The following TBCK variants were observed in gnomAD, a reference collection of about 807,000 sequenced individuals.
The protein encoded by TBCK is TBC1 domain containing kinase.
TBCK carries 99 observed loss-of-function variants against 113.4 expected under a neutral mutation model. That is an observed-to-expected ratio of 0.87 (90% CI 0.74 to 1.03). The LOEUF is 1.03. Among genes scored for constraint, TBCK ranks in the 50% least tolerant of loss-of-function variants. TBCK has a pLI of 0.00. For missense variants in TBCK, 1,045 were observed against 1,061.3 expected (o/e 0.98, Z 0.21); for synonymous variants, 369 against 370.8 (o/e 1.00, Z 0.05).
intron 20 of TBCK, among the ~76,000 whole-genome samples, chr4:106,210,537 T>C (rs1318106389): frequency 3.3e-5 from 5 of 152,150 alleles, no homozygotes; most frequent in Admixed American, 6.5e-5. Flanking sequence ...AATGTCTAAA[T>C]AAAATGAGCA....
intron 22 of TBCK, among the ~76,000 whole-genome samples, chr4:106,176,749 A>C (rs1579134310): frequency 6.6e-6 from 1 of 151,770 alleles, no homozygotes; most frequent in African/African-American, 2.4e-5. Context: ...TTTTTGAGGA[A>C]CCTCCATACT....
In TBCK at chr4:106,138,783, G is replaced by A. The variant is rs545603423; in HGVS notation, c.2236-22405C>T. On this transcript the variant is annotated intron_variant, in intron 23 of 25. Transcript: ENST00000394708. The stretch of plus-strand genomic sequence containing the variant: ...ACACTCAGGTGAACAATATGAAAAA[G>A]TTAATGAGAGCAGCCCTACTTAGCT... 2.1e-5 allele frequency among the ~76,000 whole-genome samples: 3 copies of A among 141,146 alleles called. 1 individual carries two copies. The South Asian group carries it at 7.3e-4, about 34-fold the overall frequency. 92.6% of individuals were successfully genotyped at this position (141,146 alleles called of 152,430 possible).
intron 11 of TBCK, 104 bp downstream of exon 11, chr4:106,244,522 C>A: frequency 9.6e-7 from 1 of 1,038,786 alleles, no homozygotes; most frequent in Non-Finnish European, 1.2e-6. Context: ...TTAAAAACAA[C>A]CAATTTAAAA....
In TBCK at chr4:106,044,067, G is replaced by C. The variant is rs11941861; in HGVS notation, c.*2503C>G. 6.6e-6 allele frequency: 1 copy of C among 152,040 alleles called. No individual in the cohort carries two copies. Among genetic ancestry groups the C allele is most frequent in the Non-Finnish European group, 1.5e-5 (1 of 68,022 alleles). The allele number at this position is 152,040 out of a possible 1,614,324, so 9.4% of individuals were successfully genotyped here. A position where few individuals can be genotyped will look rare whatever the true frequency, so the allele number is the denominator to read the frequency against. On this transcript the variant is annotated 3_prime_UTR_variant, in exon 26 of 26. Coordinates refer to ENST00000394708, the MANE Select transcript of TBCK (RefSeq NM_001163435.3). ...TTCTTGGAATAAGCCTAAATGTGTC[G>C]TTTTAAGAAAGATCAAATGCAAAAT...
At chr4:106,280,559 C>T (rs1764484963) in intron 3 of TBCK, among the ~76,000 whole-genome samples, 1 of 152,006 alleles carries the variant, frequency 6.6e-6, no homozygotes, top group Admixed American at 6.6e-5. Context: ...AGTTTCATAG[C>T]TTGAGGTCAG....
At chr4:106,272,429 T>A (rs955881867) in intron 3 of TBCK, among the ~76,000 whole-genome samples, 1 of 151,876 alleles carries the variant, frequency 6.6e-6, no homozygotes, top group African/African-American at 2.4e-5. Context: ...TGATGACAAT[T>A]TTTTTTTCAA....
intron 25 of TBCK, among the ~76,000 whole-genome samples, chr4:106,077,466 G>C (rs2149487014): frequency 6.6e-6 from 1 of 152,276 alleles, no homozygotes; most frequent in East Asian, 1.9e-4. Context: ...GTAAAGGAAT[G>C]GAGAAAGATT....
At chr4:106,150,587 C>A (rs950956897) in intron 23 of TBCK, among the ~76,000 whole-genome samples, 1 of 151,978 alleles carries the variant, frequency 6.6e-6, no homozygotes, top group Non-Finnish European at 1.5e-5. Flanking sequence ...CTGGAATGAA[C>A]TTTCTGTTAA....
chr4:106,222,484 C>T (rs895670034), intron 19 of TBCK, among the ~76,000 whole-genome samples: 3 of 151,978 alleles, frequency 2.0e-5, no homozygotes, highest in African/African-American at 4.8e-5. Flanking sequence ...TTTTCCCTTC[C>T]GAAAAGTTTT....
At chr4:106,086,845 C>T (rs1273002744) in intron 25 of TBCK, among the ~76,000 whole-genome samples, 1 of 152,148 alleles carries the variant, frequency 6.6e-6, no homozygotes, top group Non-Finnish European at 1.5e-5. Context: ...ATGATTATGT[C>T]AACAGATGCA....
intron 5 of TBCK, among the ~76,000 whole-genome samples, chr4:106,256,332 C>T (rs1203730858): frequency 6.6e-6 from 1 of 152,282 alleles, no homozygotes; most frequent in East Asian, 1.9e-4. Flanking sequence ...CGCCTGCCCG[C>T]CAGCACTGAG....
chr4:106,196,724 A>T (rs1754283757), intron 20 of TBCK, among the ~76,000 whole-genome samples: 1 of 152,170 alleles, frequency 6.6e-6, no homozygotes. Flanking sequence ...GAAAACAATA[A>T]AACATAAATT....
chr4:106,239,012 C>T (rs1347990250), intron 12 of TBCK, among the ~76,000 whole-genome samples: 1 of 152,060 alleles, frequency 6.6e-6, no homozygotes, highest in Non-Finnish European at 1.5e-5. Context: ...GAAAAATACC[C>T]TTGACTTCCT....
chr4:106,295,102 T>C lies in TBCK; in HGVS notation c.258A>G (p.Lys86=). 6.2e-7 allele frequency: 1 copy of C among 1,612,874 alleles called. No individual in the cohort carries two copies. The highest frequency in any genetic ancestry group is 8.5e-7 in the Non-Finnish European group (1 of 1,179,242). Residue 86 remains lysine, a synonymous_variant, in exon 3 of 26, where the codon AAA becomes AAG. Coordinates refer to ENST00000394708, the MANE Select transcript of TBCK (RefSeq NM_001163435.3). ...RSLEDLLRER[K]PVSCSTVLCI... is the part of the protein sequence containing the mutation. The stretch of plus-strand genomic sequence containing the variant: ...CTGATACTATACAGTACCTCACAGG[T>C]TTCCTTTCTCGAAGCAAGTCTTCCA...
rs1196318168 is a variant in TBCK, at chr4:106,041,720, G to A, written c.*4850C>T. 4 of 152,090 alleles carry A rather than the reference G, an allele frequency of 2.6e-5. No homozygotes were observed. In the East Asian group the frequency reaches 7.7e-4, roughly 29 times the overall value. The allele number at this position is 152,090 out of a possible 1,614,324, so 9.4% of individuals were successfully genotyped here. On this transcript the variant is annotated 3_prime_UTR_variant, in exon 26 of 26. Transcript: ENST00000394708. ...GAAAGGAATGAGAAAGGATATTAAA[G>A]AATAACAACTTAAAAGGAGACATTA...
At chr4:106,196,999 T>A (rs1300261796) in intron 20 of TBCK, among the ~76,000 whole-genome samples, 1 of 152,058 alleles carries the variant, frequency 6.6e-6, no homozygotes, top group Non-Finnish European at 1.5e-5. Flanking sequence ...CAGATTTACC[T>A]CCTGAACTGA....
chr4:106,147,717 A>G (rs9985769), intron 23 of TBCK, among the ~76,000 whole-genome samples: 116,658 of 151,850 alleles, frequency 0.77, 45,695 homozygotes, highest in African/African-American at 0.94. Context: ...TGATAATTGC[A>G]TTAACTGCAT....
chr4:106,090,905 A>G (rs1277326741), intron 25 of TBCK, among the ~76,000 whole-genome samples: 1 of 152,198 alleles, frequency 6.6e-6, no homozygotes, highest in Non-Finnish European at 1.5e-5. Context: ...TCAGTCTCTA[A>G]GAAGTTTCAA....
intron 3 of TBCK, among the ~76,000 whole-genome samples, chr4:106,265,743 A>G (rs1014923050): frequency 1.3e-5 from 2 of 151,814 alleles, no homozygotes; most frequent in African/African-American, 2.4e-5. Context: ...CATTTCCTCT[A>G]TGGTGAGTAC....
Sources: allele counts gnomAD v4.1 joint callset (sites outside exome capture counted in the v4.1 genomes callset), GRCh38; gene constraint gnomAD v4.1.1; transcripts MANE v1.5; gene names NCBI Gene and HGNC (gene_info 2026-07-23, HGNC 2026-07-21).